Variants in PTPRN2 observed in about 807,000 individuals in gnomAD.
The protein encoded by PTPRN2 is protein tyrosine phosphatase receptor type N2.
PTPRN2 carries 74 observed loss-of-function variants against 118.8 expected under a neutral mutation model. That is an observed-to-expected ratio of 0.62 (90% CI 0.52 to 0.76). The LOEUF (loss-of-function observed/expected upper bound fraction) is 0.76. Ranked by LOEUF, PTPRN2 falls within the 30% of genes least tolerant of loss-of-function variation. The probability of loss-of-function intolerance (pLI) is 0.00; values close to 1 mark genes in which losing one functional copy is unlikely to be tolerated. For synonymous variants in PTPRN2, 641 were observed against 608.0 expected (o/e 1.05, Z -0.80); for missense variants, 1,481 against 1,394.4 (o/e 1.06, Z -0.99).
intron 12 of PTPRN2, among the ~76,000 whole-genome samples, chr7:157,847,326 C>T (rs1177994134): frequency 1.4e-5 from 2 of 146,868 alleles, no homozygotes; most frequent in Non-Finnish European, 3.0e-5. Context: ...CCGATGTTTA[C>T]AGAGCCCTCT....
intron 11 of PTPRN2, among the ~76,000 whole-genome samples, chr7:158,001,757 A>G (rs1370127883): frequency 6.6e-6 from 1 of 152,214 alleles, no homozygotes; most frequent in Admixed American, 6.5e-5. Context: ...GTTTATACAC[A>G]AACAGCAGGC....
rs865864842 is a variant in PTPRN2 at position 158,071,649 on chromosome 7, G to A, written c.1723+9649C>T. Among the ~76,000 whole-genome samples the A allele has an allele frequency of 1.9e-3, 231 of 120,482 alleles. 5 individuals carry two copies. Among genetic ancestry groups the A allele is most frequent in the Non-Finnish European group, 2.5e-3 (139 of 56,286 alleles). 79.0% of individuals were successfully genotyped at this position (120,482 alleles called of 152,430 possible). A position where few individuals can be genotyped will look rare whatever the true frequency, so the allele number is the denominator to read the frequency against. On this transcript the variant is annotated intron_variant, in intron 11 of 22. Coordinates refer to ENST00000389418, the MANE Select transcript of PTPRN2 (RefSeq NM_002847.5). ...GCTCGTGGTGGTGGAGATGCTCGTGGTGATGGAGGTGCTCGTGGTGGTGGA... is the reference window on the plus strand; with the variant it reads ...GCTCGTGGTGGTGGAGATGCTCGTGATGATGGAGGTGCTCGTGGTGGTGGA...
At chr7:158,449,436 C>T (rs1817945716) in intron 2 of PTPRN2, among the ~76,000 whole-genome samples, 1 of 152,208 alleles carries the variant, frequency 6.6e-6, no homozygotes, top group Admixed American at 6.5e-5. Context: ...CAAGAGAGGA[C>T]GATGCACAGA....
chr7:158,432,402 C>T (rs746979582), intron 2 of PTPRN2, among the ~76,000 whole-genome samples: 5 of 152,164 alleles, frequency 3.3e-5, no homozygotes, highest in Non-Finnish European at 7.4e-5. Flanking sequence ...GGATTTCAAA[C>T]GTTTTGTTCA....
intron 13 of PTPRN2, among the ~76,000 whole-genome samples, chr7:157,679,092 T>A (rs1422135640): frequency 6.6e-6 from 1 of 152,070 alleles, no homozygotes; most frequent in Non-Finnish European, 1.5e-5. Flanking sequence ...TGTGTACATG[T>A]GTGTATAAAT....
At chr7:157,853,653 C>T (rs374627861) in intron 12 of PTPRN2, among the ~76,000 whole-genome samples, 25 of 152,266 alleles carry the variant, frequency 1.6e-4, no homozygotes, top group Non-Finnish European at 3.4e-4. Context: ...TCCTCCACGG[C>T]GGAACTGGTG....
chr7:158,371,424 TTTGA>T (rs934439584), intron 2 of PTPRN2, among the ~76,000 whole-genome samples: 5 of 152,162 alleles, frequency 3.3e-5, no homozygotes, highest in Admixed American at 6.5e-5. Context: ...TTATGTTTTA[TTTGA>T]TTAACATTTG....
intron 22 of PTPRN2, among the ~76,000 whole-genome samples, chr7:157,542,784 G>A (rs964998395): frequency 2.6e-5 from 4 of 152,208 alleles, no homozygotes; most frequent in Admixed American, 2.0e-4. Context: ...GGGCGTGTGG[G>A]CTGGTGTGTG....
intron 12 of PTPRN2, among the ~76,000 whole-genome samples, chr7:157,775,101 G>A (rs1420940821): frequency 6.6e-6 from 1 of 152,162 alleles, no homozygotes; most frequent in Non-Finnish European, 1.5e-5. Flanking sequence ...CCTCAGGAAG[G>A]AGAAACGTTT....
At chr7:157,842,978 C>A (rs1183683779) in intron 12 of PTPRN2, among the ~76,000 whole-genome samples, 1 of 152,198 alleles carries the variant, frequency 6.6e-6, no homozygotes, top group Non-Finnish European at 1.5e-5. Context: ...ATCCATTGGA[C>A]CCGGCCTCCT....
chr7:158,235,769 A>G (rs918884727), intron 3 of PTPRN2, among the ~76,000 whole-genome samples: 3 of 151,468 alleles, frequency 2.0e-5, no homozygotes, highest in Non-Finnish European at 4.4e-5. Context: ...GAAAAGATGA[A>G]TATTTTAGGT....
chr7:157,940,528 C>T (rs1284114068), intron 11 of PTPRN2, among the ~76,000 whole-genome samples: 2 of 146,332 alleles, frequency 1.4e-5, no homozygotes, highest in Admixed American at 6.8e-5. Context: ...AATCTCATAC[C>T]CTCCCCTGTG....
chr7:158,544,121 A>G lies in PTPRN2; in HGVS notation c.112+43437T>C, dbSNP rs1322649090. On this transcript the variant is annotated intron_variant, in intron 1 of 22. Coordinates refer to ENST00000389418, the MANE Select transcript of PTPRN2 (RefSeq NM_002847.5). The surrounding 1 kb of genome is among the most constrained non-coding windows in gnomAD (Gnocchi z 4.2). ...GTGCACCCGGTGGAGGGGGATATGT[A>G]CACCCGCCTGGGAGGGGCCAGAACC... 2.0e-5 allele frequency among the ~76,000 whole-genome samples: 3 copies of G among 152,160 alleles called. No individual in the cohort carries two copies. The highest frequency in any genetic ancestry group is 7.2e-5 in the African/African-American group (3 of 41,442).
intron 3 of PTPRN2, among the ~76,000 whole-genome samples, chr7:158,314,858 C>CG (rs1459331962): frequency 7.7e-4 from 115 of 148,462 alleles, no homozygotes; most frequent in Middle Eastern, 3.7e-3. Context: ...GAACCCGGAA[C>CG]CCCTGTAGGA....
In PTPRN2 at chr7:157,987,392, A is replaced by G. The variant is rs1292684698; in HGVS notation, c.1724-88655T>C. Among the ~76,000 whole-genome samples, 1 of 151,824 alleles carries G rather than the reference A, an allele frequency of 6.6e-6. No individual in the cohort carries two copies. Among genetic ancestry groups the G allele is most frequent in the Non-Finnish European group, 1.5e-5 (1 of 67,960 alleles). On this transcript the variant is annotated intron_variant, in intron 11 of 22. Transcript: ENST00000389418. This position sits in a 1 kb window ranked among gnomAD's most constrained non-coding sequence, Gnocchi z 4.3. ...GAGACAACCGGTCACTAACGGGGGC[A>G]ATATGACCCCTCACTAATGGGGTGA...
intron 3 of PTPRN2, among the ~76,000 whole-genome samples, chr7:158,283,466 G>A (rs1799566868): frequency 6.6e-6 from 1 of 152,202 alleles, no homozygotes; most frequent in Non-Finnish European, 1.5e-5. Context: ...CTTCTCAGTA[G>A]AACCAGGGGC....
At chr7:157,584,053 T>C (rs1459374613) in intron 17 of PTPRN2, among the ~76,000 whole-genome samples, 1 of 151,964 alleles carries the variant, frequency 6.6e-6, no homozygotes, top group African/African-American at 2.4e-5. Context: ...TCCCAGCTAG[T>C]TGGGAGGCTG....
intron 12 of PTPRN2, among the ~76,000 whole-genome samples, chr7:157,689,800 C>T (rs1462085436): frequency 6.6e-6 from 1 of 152,206 alleles, no homozygotes; most frequent in Non-Finnish European, 1.5e-5. Flanking sequence ...AGAGGCGTCC[C>T]CACCTGCCTC....
intron 13 of PTPRN2, among the ~76,000 whole-genome samples, chr7:157,658,159 A>G (rs1239526338): frequency 6.6e-6 from 1 of 152,082 alleles, no homozygotes; most frequent in African/African-American, 2.4e-5. Flanking sequence ...GTGGCTTCTC[A>G]TTCTATCAGA....
Sources: gnomAD v4.1 joint callset for allele counts (sites outside exome capture counted in the v4.1 genomes callset) on GRCh38, gnomAD v4.1.1 for gene constraint, Gnocchi (gnomAD v3.1) non-coding constraint, MANE v1.5 for transcripts, NCBI Gene and HGNC (gene_info 2026-07-23, HGNC 2026-07-21) for gene names.